NRXN1: variants seen among roughly 807,000 people sequenced by gnomAD.
NRXN1 encodes the protein neurexin-1.
Under a neutral mutation model 150.9 loss-of-function variants are expected in NRXN1, and 39 were observed. The observed-to-expected ratio is 0.26, with a 90% CI of 0.20 to 0.34. The LOEUF is 0.34. Among genes scored for constraint, NRXN1 ranks in the 10% least tolerant of loss-of-function variants. The probability of loss-of-function intolerance (pLI) is 1.00; values close to 1 mark genes in which losing one functional copy is unlikely to be tolerated. For synonymous variants in NRXN1, 924 were observed against 757.0 expected (o/e 1.22, Z -3.62); for missense variants, 1,815 against 1,949.9 (o/e 0.93, Z 1.30).
At chr2:50,314,169 C>T (rs971967706) in intron 17 of NRXN1, among the ~76,000 whole-genome samples, 1 of 151,984 alleles carries the variant, frequency 6.6e-6, no homozygotes, top group Non-Finnish European at 1.5e-5. Flanking sequence ...TGATGGTAGA[C>T]GCTAGTCCTC....
intron 5 of NRXN1, among the ~76,000 whole-genome samples, chr2:50,856,855 G>C (rs1559357687): frequency 2.6e-5 from 4 of 152,000 alleles, no homozygotes; most frequent in Admixed American, 2.6e-4. Flanking sequence ...AATCCCTATG[G>C]ACATGATTAG....
chr2:50,929,890 G>A (rs757659630), intron 2 of NRXN1, among the ~76,000 whole-genome samples: 22 of 152,202 alleles, frequency 1.4e-4, no homozygotes, highest in Non-Finnish European at 3.1e-4. Context: ...AATGCTTCAA[G>A]CACTGGGAAA....
intron 21 of NRXN1, chr2:49,973,037 T>C (rs1678229359): frequency 6.6e-6 from 1 of 152,154 alleles, no homozygotes; most frequent in Admixed American, 6.6e-5. Context: ...CCAAGGCATT[T>C]TTGCTTTTCT....
intron 5 of NRXN1, among the ~76,000 whole-genome samples, chr2:50,866,691 C>T (rs191470471): frequency 2.6e-5 from 4 of 151,764 alleles, no homozygotes; most frequent in Non-Finnish European, 4.4e-5. Flanking sequence ...TGGTTAACAA[C>T]GGAATGATTA....
chr2:50,679,190 T>C (rs1395396466), intron 5 of NRXN1, among the ~76,000 whole-genome samples: 1 of 152,008 alleles, frequency 6.6e-6, no homozygotes, highest in African/African-American at 2.4e-5. Context: ...ATGGGGTAGA[T>C]ACTAAACAAT....
chr2:50,594,476 T>C (rs1022467615), intron 8 of NRXN1, among the ~76,000 whole-genome samples: 8 of 152,140 alleles, frequency 5.3e-5, no homozygotes, highest in African/African-American at 1.4e-4. Flanking sequence ...GAGGAAGTCA[T>C]TTGCTCCAGA....
intron 17 of NRXN1, among the ~76,000 whole-genome samples, chr2:50,411,193 GTTTTCATATTTT>G (rs991991210): frequency 6.6e-6 from 1 of 152,026 alleles, no homozygotes; most frequent in African/African-American, 2.4e-5. Flanking sequence ...CGCCTGACTG[GTTTTCATATTTT>G]TTGGTGGAGA....
chr2:50,322,018 T>TA (rs1016529738), intron 17 of NRXN1, among the ~76,000 whole-genome samples: 2 of 122,270 alleles, frequency 1.6e-5, no homozygotes, highest in Non-Finnish European at 3.4e-5. Context: ...ATCACAGACG[T>TA]AAAAAATTAC....
intron 18 of NRXN1, among the ~76,000 whole-genome samples, chr2:50,150,621 T>C (rs2058641099): frequency 6.6e-6 from 1 of 151,828 alleles, no homozygotes; most frequent in Non-Finnish European, 1.5e-5. Flanking sequence ...ACAGGTTTTG[T>C]AGAATAAAGA....
chr2:50,927,474 T>C (rs983220417), intron 2 of NRXN1, among the ~76,000 whole-genome samples: 8 of 152,064 alleles, frequency 5.3e-5, no homozygotes, highest in African/African-American at 1.9e-4. Flanking sequence ...TCTAGTTTGT[T>C]TTTGTTTGTT....
At chr2:50,614,251 T>A (rs1241724361) in intron 8 of NRXN1, among the ~76,000 whole-genome samples, 3 of 152,118 alleles carry the variant, frequency 2.0e-5, no homozygotes, top group Admixed American at 6.5e-5. Flanking sequence ...TTGGAATCCA[T>A]GTGAGTTCTC....
At chr2:51,011,753 G>C (rs1667911814) in intron 2 of NRXN1, among the ~76,000 whole-genome samples, 1 of 151,982 alleles carries the variant, frequency 6.6e-6, no homozygotes, top group Non-Finnish European at 1.5e-5. Context: ...TGCCATTCTT[G>C]AGAATCTGTA....
intron 5 of NRXN1, among the ~76,000 whole-genome samples, chr2:50,784,250 T>C (rs1704775399): frequency 6.6e-6 from 1 of 152,114 alleles, no homozygotes; most frequent in African/African-American, 2.4e-5. Context: ...GGAACTTTGC[T>C]TGTTACACTT....
chr2:50,891,150 C>T (rs1199198236), intron 5 of NRXN1, among the ~76,000 whole-genome samples: 2 of 151,956 alleles, frequency 1.3e-5, no homozygotes, highest in Non-Finnish European at 2.9e-5. Flanking sequence ...AGAGAAAATA[C>T]TAGTGATTTA....
intron 17 of NRXN1, among the ~76,000 whole-genome samples, chr2:50,452,692 G>C (rs552564969): frequency 6.6e-6 from 1 of 152,290 alleles, no homozygotes; most frequent in East Asian, 1.9e-4. Context: ...GAAAAAGAAT[G>C]TCATGTGAAG....
At chr2:50,628,433 A>G (rs888800407) in intron 5 of NRXN1, among the ~76,000 whole-genome samples, 1 of 151,830 alleles carries the variant, frequency 6.6e-6, no homozygotes, top group African/African-American at 2.4e-5. Context: ...TAAATGGGAC[A>G]TAAATCTAAG....
intron 5 of NRXN1, chr2:50,918,520 T>C: frequency 2.7e-6 from 1 of 365,776 alleles, no homozygotes; most frequent in Non-Finnish European, 4.9e-6. Flanking sequence ...CAACATTCGC[T>C]GATAATTATT....
intron 5 of NRXN1, among the ~76,000 whole-genome samples, chr2:50,768,362 G>A (rs573994398): frequency 5.8e-4 from 88 of 152,150 alleles, no homozygotes; most frequent in African/African-American, 1.6e-3. Flanking sequence ...AGGCTGGAGC[G>A]CAGTGGCATG....
intron 2 of NRXN1, among the ~76,000 whole-genome samples, chr2:51,000,763 G>A (rs187320537): frequency 2.0e-4 from 31 of 151,606 alleles, no homozygotes; most frequent in Admixed American, 5.3e-4. Context: ...CCTTAATTCC[G>A]TAAATTAATA....
Sources: gnomAD v4.1 joint callset for allele counts (sites outside exome capture counted in the v4.1 genomes callset) on GRCh38, gnomAD v4.1.1 for gene constraint, MANE v1.5 for transcripts, NCBI Gene and HGNC (gene_info 2026-07-23, HGNC 2026-07-21) for gene names.